MTRF1: variants seen among roughly 807,000 people sequenced by gnomAD.
The protein encoded by MTRF1 is mitochondrial translation release factor 1.
MTRF1 carries 51 observed loss-of-function variants against 62.9 expected under a neutral mutation model. The observed-to-expected ratio is 0.81, with a 90% CI of 0.65 to 1.02. The LOEUF (loss-of-function observed/expected upper bound fraction) is 1.02. MTRF1 is among the 50% of genes least tolerant of loss of function. MTRF1 has a pLI of 0.00. For synonymous variants in MTRF1, 158 were observed against 181.9 expected, an observed-to-expected ratio of 0.87 and a Z score of 1.06; for missense variants, 446 against 530.0, an observed-to-expected ratio of 0.84 and a Z score of 1.56.
the MTRF1 span, among the ~76,000 whole-genome samples, chr13:41,296,726 T>A: frequency 6.6e-6 from 1 of 152,230 alleles, no homozygotes; most frequent in East Asian, 1.9e-4. Flanking sequence ...GTTATATTTG[T>A]ATGAATATGT....
At chr13:41,228,725 T>G (rs1452504443) in intron 7 of MTRF1, among the ~76,000 whole-genome samples, 1 of 152,238 alleles carries the variant, frequency 6.6e-6, no homozygotes, top group Non-Finnish European at 1.5e-5. Flanking sequence ...AATATTCCCC[T>G]GTATAAACAT....
chr13:41,253,371 T>C (rs963638839), intron 3 of MTRF1, among the ~76,000 whole-genome samples: 6 of 152,236 alleles, frequency 3.9e-5, no homozygotes, highest in Admixed American at 3.9e-4. Flanking sequence ...GTAGCTTCTT[T>C]CATCTAATGA....
rs1238626450 is a variant in MTRF1, at chr13:41,216,739, C to T, written c.*376G>A. ...AAGGAAGTCTAAAATTCATATTTTACTAAATTTTACCATATTTTCCTGAAG... is the reference window on the plus strand; with the variant it reads ...AAGGAAGTCTAAAATTCATATTTTATTAAATTTTACCATATTTTCCTGAAG... On this transcript the variant is annotated 3_prime_UTR_variant, in exon 10 of 10. Transcript: ENST00000379480. 6.5e-6 allele frequency: 1 copy of T among 153,218 alleles called. No individual in the cohort carries two copies. The highest frequency in any genetic ancestry group is 1.5e-5 in the Non-Finnish European group (1 of 68,888). The allele number at this position is 153,218 out of a possible 1,614,324, so 9.5% of individuals were successfully genotyped here. A position where few individuals can be genotyped will look rare whatever the true frequency, so the allele number is the denominator to read the frequency against.
the MTRF1 span, among the ~76,000 whole-genome samples, chr13:41,296,074 G>A: frequency 6.6e-6 from 1 of 152,048 alleles, no homozygotes; most frequent in African/African-American, 2.4e-5. Flanking sequence ...CTCCTGAGTA[G>A]CTAGGACTAC....
At chr13:41,282,232 C>G in the MTRF1 span, among the ~76,000 whole-genome samples, 2 of 151,884 alleles carry the variant, frequency 1.3e-5, no homozygotes, top group African/African-American at 4.8e-5. Flanking sequence ...CAGAAGGTCA[C>G]AAAACATTGA....
intron 9 of MTRF1, chr13:41,220,586 A>C (rs1450610264): frequency 7.8e-7 from 1 of 1,288,954 alleles, no homozygotes; most frequent in East Asian, 5.5e-5. Context: ...ACAGAATCCA[A>C]GGATAGGAAT....
At chr13:41,225,096 C>G (rs1409574705) in intron 8 of MTRF1, among the ~76,000 whole-genome samples, 1 of 151,504 alleles carries the variant, frequency 6.6e-6, no homozygotes, top group Non-Finnish European at 1.5e-5. Context: ...TCTGTAATCC[C>G]AGCCACTCGG....
intron 9 of MTRF1, among the ~76,000 whole-genome samples, chr13:41,219,569 A>G (rs1219942495): frequency 6.6e-6 from 1 of 152,212 alleles, no homozygotes; most frequent in Non-Finnish European, 1.5e-5. Context: ...GAAAGGAAGG[A>G]TTGTAAGGAA....
chr13:41,310,621 G>A, the MTRF1 span, among the ~76,000 whole-genome samples: 1 of 152,228 alleles, frequency 6.6e-6, no homozygotes, highest in Non-Finnish European at 1.5e-5. Context: ...AGTGAGCCCA[G>A]ATAGCGCCAC....
chr13:41,242,540 G>A (rs2037652594), intron 5 of MTRF1, among the ~76,000 whole-genome samples: 1 of 152,182 alleles, frequency 6.6e-6, no homozygotes, highest in Non-Finnish European at 1.5e-5. Flanking sequence ...TCAGTGGCCA[G>A]AAATAGGAAA....
At chr13:41,224,291 C>T (rs1045706355) in intron 8 of MTRF1, among the ~76,000 whole-genome samples, 2 of 152,180 alleles carry the variant, frequency 1.3e-5, no homozygotes, top group African/African-American at 4.8e-5. Flanking sequence ...CACAGTTTGT[C>T]TCATGCTACA....
the MTRF1 span, among the ~76,000 whole-genome samples, chr13:41,291,072 G>C: frequency 2.7e-5 from 4 of 146,110 alleles, no homozygotes; most frequent in African/African-American, 5.1e-5. Context: ...CTCCAGCCTG[G>C]GCAACAAGAG....
chr13:41,273,590 C>T, the MTRF1 span, among the ~76,000 whole-genome samples: 4 of 151,910 alleles, frequency 2.6e-5, no homozygotes, highest in African/African-American at 7.3e-5. Context: ...GTAATCCCAG[C>T]ACTTTGGGAG....
chr13:41,302,320 G>A, the MTRF1 span, among the ~76,000 whole-genome samples: 26 of 152,178 alleles, frequency 1.7e-4, no homozygotes, highest in East Asian at 1.2e-3. Context: ...GCGAGCCACC[G>A]TGCCTGGCCA....
chr13:41,236,716 A>C (rs1320933708), intron 6 of MTRF1: 1 of 152,204 alleles, frequency 6.6e-6, no homozygotes, highest in Non-Finnish European at 1.5e-5. Flanking sequence ...ATGTGGCTAT[A>C]GTATATTAAG....
chr13:41,285,729 C>T, the MTRF1 span, among the ~76,000 whole-genome samples: 1 of 152,062 alleles, frequency 6.6e-6, no homozygotes, highest in Non-Finnish European at 1.5e-5. Context: ...GGAGAGACAA[C>T]CTTTTCCTTT....
At chr13:41,231,463 G>A (rs1052953167) in intron 7 of MTRF1, among the ~76,000 whole-genome samples, 3 of 152,290 alleles carry the variant, frequency 2.0e-5, no homozygotes, top group African/African-American at 7.2e-5. Flanking sequence ...GAGTATGGGC[G>A]GGAAGACAAG....
At chr13:41,267,163 T>C (rs2040850398), upstream of MTRF1, among the ~76,000 whole-genome samples, 1 of 152,182 alleles carries the variant, frequency 6.6e-6, no homozygotes, top group African/African-American at 2.4e-5. Context: ...CTTCTTTTTT[T>C]TTCCTTGCAA....
At chr13:41,311,592 C>T in the MTRF1 span, 16 of 1,602,790 alleles carry the variant, frequency 1.0e-5, no homozygotes, top group Admixed American at 1.7e-5. Context: ...GGTGAGTGGC[C>T]GTAGGCCGCG....
Sources: allele counts gnomAD v4.1 joint callset (sites outside exome capture counted in the v4.1 genomes callset), GRCh38; gene constraint gnomAD v4.1.1; transcripts MANE v1.5; gene names NCBI Gene and HGNC (gene_info 2026-07-23, HGNC 2026-07-21).